The following AGBL1 variants were observed in gnomAD, a reference collection of about 807,000 sequenced individuals.
AGBL1 encodes AGBL carboxypeptidase 1, also known as cytosolic carboxypeptidase 4.
Under a neutral mutation model 118.9 loss-of-function variants are expected in AGBL1, and 130 were observed. That is an observed-to-expected ratio of 1.09 (90% CI 0.95 to 1.26). AGBL1 has a LOEUF of 1.26. Ranked by LOEUF, AGBL1 falls within the 50% of genes most tolerant of loss-of-function variation. The pLI is 0.00. For missense variants in AGBL1, 1,584 were observed against 1,298.1 expected (o/e 1.22, Z -3.38); for synonymous variants, 555 against 478.9 (o/e 1.16, Z -2.08).
At chr15:86,377,259 A>G (rs2081053837) in intron 17 of AGBL1, among the ~76,000 whole-genome samples, 1 of 152,246 alleles carries the variant, frequency 6.6e-6, no homozygotes, top group South Asian at 2.1e-4. Flanking sequence ...ATATACTCAC[A>G]TATGTGCATA....
chr15:86,677,165 T>C lies in AGBL1; in HGVS notation c.3158+2729T>C, dbSNP rs537051829. Among the ~76,000 whole-genome samples the C allele has an allele frequency of 4.6e-5, 7 of 152,318 alleles. No individual in the cohort carries two copies. In the East Asian group the frequency reaches 5.8e-4, roughly 13 times the overall value. On this transcript the variant is annotated intron_variant, in intron 22 of 22. Coordinates refer to ENST00000614907, the MANE Select transcript of AGBL1 (RefSeq NM_001386094.1). ...TCATGTTTTCTGACAATAGGTTTCATGCTTCATTTACCATAAAAACAATTA... is the reference window on the plus strand; with the variant it reads ...TCATGTTTTCTGACAATAGGTTTCACGCTTCATTTACCATAAAAACAATTA...
chr15:86,944,140 G>T (rs983026971), intron 23 of AGBL1, among the ~76,000 whole-genome samples: 7 of 152,130 alleles, frequency 4.6e-5, no homozygotes, highest in African/African-American at 1.4e-4. Flanking sequence ...GGAGGCTGAG[G>T]CGGGCGGATC....
chr15:86,787,314 T>C (rs187736925), intron 22 of AGBL1, among the ~76,000 whole-genome samples: 146 of 152,280 alleles, frequency 9.6e-4, no homozygotes, highest in African/African-American at 3.5e-3. Context: ...TTATTAACTA[T>C]AGTTTTCATG....
intron 18 of AGBL1, among the ~76,000 whole-genome samples, chr15:86,425,987 A>G (rs2081862197): frequency 6.6e-6 from 1 of 152,180 alleles, no homozygotes; most frequent in South Asian, 2.1e-4. Flanking sequence ...ATTCACCAAG[A>G]GAAACAGGAA....
chr15:86,103,029 G>A (rs1007937439), intron 1 of AGBL1, among the ~76,000 whole-genome samples: 11 of 151,626 alleles, frequency 7.3e-5, no homozygotes, highest in African/African-American at 2.7e-4. Context: ...TTATCTTTGG[G>A]TTTTTTTCCA....
rs746468140 is a variant in AGBL1 at position 86,522,894 on chromosome 15, C to T, written c.2640C>T (p.Ala880=). ...ATCTGCAGCCAACCATTTACCATGC[C>T]AAAGGCCTCCTCTACCACCTGAGCA... ...SAHLQPTIYH[A]KGLLYHLSSI... The change falls in exon 19 of 23, where the codon GCC becomes GCT. Residue 880 remains alanine, a synonymous_variant. Transcript: ENST00000614907. 11 of 1,613,878 alleles carry T rather than the reference C, an allele frequency of 6.8e-6. No homozygotes were observed. The highest frequency in any genetic ancestry group is 9.3e-6 in the Non-Finnish European group (11 of 1,179,870).
At chr15:86,296,289 T>C (rs962672189) in intron 17 of AGBL1, 1 of 151,976 alleles carries the variant, frequency 6.6e-6, no homozygotes, top group Non-Finnish European at 1.5e-5. Flanking sequence ...CAGAGAAGTT[T>C]TGGAAATTAA....
intron 23 of AGBL1, chr15:86,938,810 C>G (rs2080710691): frequency 6.6e-6 from 1 of 152,170 alleles, no homozygotes; most frequent in South Asian, 2.1e-4. Flanking sequence ...AAGTGAACTT[C>G]TCCCAAAGGA....
intron 16 of AGBL1, among the ~76,000 whole-genome samples, chr15:86,281,556 G>T (rs567674607): frequency 6.6e-6 from 1 of 152,222 alleles, no homozygotes; most frequent in African/African-American, 2.4e-5. Flanking sequence ...AAGGTTCCTG[G>T]TGGCCATTCA....
intron 22 of AGBL1, among the ~76,000 whole-genome samples, chr15:86,769,174 AGG>A (rs1491297896): frequency 1.3e-3 from 83 of 62,616 alleles, no homozygotes; most frequent in South Asian, 3.5e-3. Context: ...TCATTTTGAG[AGG>A]GAGAGAGAGA....
At chr15:86,750,570 G>C (rs1396854171) in intron 22 of AGBL1, among the ~76,000 whole-genome samples, 1 of 152,006 alleles carries the variant, frequency 6.6e-6, no homozygotes, top group African/African-American at 2.4e-5. Flanking sequence ...TTTCCTTCTA[G>C]TGTAACTGTA....
At chr15:86,379,260 C>A (rs1280537088) in intron 17 of AGBL1, among the ~76,000 whole-genome samples, 5 of 151,398 alleles carry the variant, frequency 3.3e-5, no homozygotes, top group Non-Finnish European at 7.4e-5. Flanking sequence ...TGAAAAAACC[C>A]TTGTTCTTAA....
chr15:86,764,672 G>T (rs1416064303), intron 22 of AGBL1, among the ~76,000 whole-genome samples: 3 of 152,000 alleles, frequency 2.0e-5, no homozygotes, highest in African/African-American at 7.2e-5. Flanking sequence ...TATCAACTCT[G>T]CAAAGACTTC....
At chr15:86,789,057 G>A (rs1008663400) in intron 22 of AGBL1, among the ~76,000 whole-genome samples, 3 of 152,314 alleles carry the variant, frequency 2.0e-5, no homozygotes, top group South Asian at 2.1e-4. Context: ...GAACCTTCTA[G>A]CTAGAGGAAA....
intron 21 of AGBL1, among the ~76,000 whole-genome samples, chr15:86,611,928 G>A (rs1386574605): frequency 6.6e-6 from 1 of 152,142 alleles, no homozygotes; most frequent in Non-Finnish European, 1.5e-5. Context: ...TATTTAAAAT[G>A]GGGGCAGGCT....
intron 13 of AGBL1, among the ~76,000 whole-genome samples, chr15:86,269,614 A>G (rs2079125121): frequency 6.6e-6 from 1 of 152,244 alleles, no homozygotes; most frequent in South Asian, 2.1e-4. Context: ...TATTGTATCA[A>G]AATATCACAT....
At chr15:86,944,282 G>A (rs557583231) in intron 23 of AGBL1, among the ~76,000 whole-genome samples, 1 of 152,088 alleles carries the variant, frequency 6.6e-6, no homozygotes, top group Non-Finnish European at 1.5e-5. Flanking sequence ...GGGAGGCTGA[G>A]GCAGGAAAAT....
In AGBL1 at chr15:86,756,957, T is replaced by TTC. The variant is rs1555447142; in HGVS notation, c.3158+82521_3158+82522insTC. Among the ~76,000 whole-genome samples the TTC allele has an allele frequency of 2.4e-3, 360 of 150,720 alleles. 3 individuals are homozygous for TTC. The highest frequency in any genetic ancestry group is 8.2e-3 in the African/African-American group (336 of 40,962). On this transcript the variant is annotated intron_variant, in intron 22 of 22. Transcript: ENST00000614907. ...AATAAACATGTCTTTTTTTTTTTTTTCTCCCCATCCTCTACTCATTCCGCT... is the reference window on the plus strand; with the variant it reads ...AATAAACATGTCTTTTTTTTTTTTTTTCCTCCCCATCCTCTACTCATTCCGCT...
chr15:86,875,042 A>G (rs1811281531), intron 22 of AGBL1, among the ~76,000 whole-genome samples: 1 of 152,190 alleles, frequency 6.6e-6, no homozygotes, highest in South Asian at 2.1e-4. Flanking sequence ...GATCATAACC[A>G]GGACCATGGG....
Sources: gnomAD v4.1 joint callset for allele counts (sites outside exome capture counted in the v4.1 genomes callset) on GRCh38, gnomAD v4.1.1 for gene constraint, MANE v1.5 for transcripts, NCBI Gene and HGNC (gene_info 2026-07-23, HGNC 2026-07-21) for gene names.